INTS7: variants seen among roughly 807,000 people sequenced by gnomAD.
INTS7 encodes integrator complex subunit 7.
Under a neutral mutation model 109.2 loss-of-function variants are expected in INTS7, and 46 were observed. The ratio of observed to expected loss-of-function variants is 0.42; its 90% confidence interval spans 0.33 to 0.54. INTS7 has a LOEUF of 0.54. INTS7 is among the 20% of genes least tolerant of loss of function. INTS7 has a pLI of 0.07. For synonymous variants in INTS7, 412 were observed against 402.9 expected (o/e 1.02, Z -0.27); for missense variants, 929 against 1,132.4 (o/e 0.82, Z 2.58).
intron 17 of INTS7, among the ~76,000 whole-genome samples, chr1:211,947,601 A>C (rs891144894): frequency 2.0e-5 from 3 of 152,166 alleles, no homozygotes; most frequent in Non-Finnish European, 4.4e-5. Flanking sequence ...GACCCGATTC[A>C]GCAACGGATA....
At chr1:212,019,507 G>T (rs971714388) in intron 3 of INTS7, among the ~76,000 whole-genome samples, 10 of 152,006 alleles carry the variant, frequency 6.6e-5, no homozygotes, top group Admixed American at 6.6e-5. Context: ...GGTCAGAAAT[G>T]AACACTATAA....
At chr1:211,971,910 A>G (rs532572577) in intron 13 of INTS7, among the ~76,000 whole-genome samples, 169 of 116,716 alleles carry the variant, frequency 1.4e-3, no homozygotes, top group African/African-American at 5.2e-3. Flanking sequence ...AGTGAAACTC[A>G]GTCTCAAAAA....
At position 211,956,650 on chromosome 1, in the gene INTS7, T is replaced by C. The variant is rs368622016; in HGVS notation, c.2184-3949A>G. On this transcript the variant is annotated intron_variant, in intron 16 of 19. Transcript: ENST00000366994. ...GCTCAGACTAGTTTTATCAATTTTA[T>C]TAATCTTTTCAAAGAACCAGCTTCT... 6.6e-5 allele frequency among the ~76,000 whole-genome samples: 10 copies of C among 152,222 alleles called. No homozygotes were observed. The East Asian group carries it at 9.6e-4, about 15-fold the overall frequency.
chr1:211,966,226 T>C (rs1280541217), intron 16 of INTS7: 3 of 380,276 alleles, frequency 7.9e-6, no homozygotes, highest in Non-Finnish European at 1.4e-5. Flanking sequence ...CAGTTATCTT[T>C]CCATGTTAAC....
Position 211,956,762 on chromosome 1 carries a change from C to T in INTS7, c.2184-4061G>A, listed in dbSNP as rs1289030182. On this transcript the variant is annotated intron_variant, in intron 16 of 19. Coordinates refer to ENST00000366994, the MANE Select transcript of INTS7 (RefSeq NM_015434.4). The stretch of plus-strand genomic sequence containing the variant: ...TCTGTATGACCTGCTGAATGATCAA[C>T]AGGTCATTCATCTTTATTACTTAGT... Among the ~76,000 whole-genome samples, 5 of 152,136 alleles carry T rather than the reference C, an allele frequency of 3.3e-5. No individual in the cohort carries two copies. In the East Asian group the frequency reaches 9.6e-4, roughly 29 times the overall value.
At position 211,981,236 on chromosome 1, in the gene INTS7, A is replaced by G. The variant is rs747419353; in HGVS notation, c.1133-46T>C. 7.0e-6 allele frequency: 8 copies of G among 1,138,248 alleles called. No homozygotes were observed. In the South Asian group the frequency reaches 8.7e-5, roughly 12 times the overall value. The allele number at this position is 1,138,248 out of a possible 1,614,324, so 70.5% of individuals were successfully genotyped here. On this transcript the variant is annotated intron_variant, in intron 9 of 19. Coordinates refer to ENST00000366994, the MANE Select transcript of INTS7 (RefSeq NM_015434.4). ...TTTATGATGGTCAAGTGATGTGTGT[A>G]CAAACACACACACATATACATGCAT...
Position 211,959,480 on chromosome 1 carries a change from C to T in INTS7, c.2184-6779G>A, listed in dbSNP as rs1244943246. Among the ~76,000 whole-genome samples, 1 of 152,144 alleles carries T rather than the reference C, an allele frequency of 6.6e-6. No individual in the cohort carries two copies. Among genetic ancestry groups the T allele is most frequent in the Non-Finnish European group, 1.5e-5 (1 of 68,016 alleles). ...CAGCGGCCCAGCATGTGGACATGGG[C>T]CGGCTCACCTGCTCCCTCCCCGTAC... On this transcript the variant is annotated intron_variant, in intron 16 of 19. Coordinates refer to ENST00000366994, the MANE Select transcript of INTS7 (RefSeq NM_015434.4). The surrounding 1 kb of genome is among the most constrained non-coding windows in gnomAD (Gnocchi z 4.2).
chr1:211,994,092 A>AAGAAGGAAAGACAAAAGGAG (rs888974301), intron 7 of INTS7, among the ~76,000 whole-genome samples: 18 of 152,302 alleles, frequency 1.2e-4, no homozygotes, highest in African/African-American at 3.9e-4. Context: ...AAAGTAACAA[A>AAGAAGGAAAGACAAAAGGAG]AGAAGGAAAG....
At chr1:211,978,160 CT>C in intron 11 of INTS7, 111 bp downstream of exon 11, 1 of 1,242,902 alleles carries the variant, frequency 8.0e-7, no homozygotes, top group Non-Finnish European at 1.2e-6. Context: ...TGAATTTAAC[CT>C]ATTGTTTGTT....
intron 17 of INTS7, among the ~76,000 whole-genome samples, chr1:211,947,634 A>C (rs1662900271): frequency 2.0e-5 from 3 of 152,122 alleles, no homozygotes. Flanking sequence ...TGACACACAG[A>C]TATTCTGCTC....
At chr1:211,953,013 G>A (rs1269339366) in intron 16 of INTS7, among the ~76,000 whole-genome samples, 1 of 152,080 alleles carries the variant, frequency 6.6e-6, no homozygotes, top group African/African-American at 2.4e-5. Context: ...CTGAAAAGGG[G>A]ACTATCAATA....
intron 8 of INTS7, among the ~76,000 whole-genome samples, chr1:211,986,452 A>G (rs1451524039): frequency 6.6e-6 from 1 of 152,190 alleles, no homozygotes; most frequent in East Asian, 1.9e-4. Flanking sequence ...GAATCACTGG[A>G]AAGCCTGCAA....
intron 9 of INTS7, 136 bp from the exon 10 acceptor site, chr1:211,981,326 T>C (rs1204499063): frequency 9.9e-6 from 5 of 504,678 alleles, no homozygotes; most frequent in Non-Finnish European, 1.8e-5. Flanking sequence ...TGGATGAACC[T>C]AACCTTCCTT....
chr1:211,959,144 C>A lies in INTS7; in HGVS notation c.2184-6443G>T, dbSNP rs1045870478. Among the ~76,000 whole-genome samples the A allele has an allele frequency of 6.6e-6, 1 of 152,158 alleles. No individual in the cohort carries two copies. Among genetic ancestry groups the A allele is most frequent in the African/African-American group, 2.4e-5 (1 of 41,428 alleles). On this transcript the variant is annotated intron_variant, in intron 16 of 19. Coordinates refer to ENST00000366994, the MANE Select transcript of INTS7 (RefSeq NM_015434.4). This position sits in a 1 kb window ranked among gnomAD's most constrained non-coding sequence, Gnocchi z 4.2. ...GGCTGCTTAGAGAAGTGTTAGGGGCCGTATTCTAGCCAATGCAGAGCCCAA... is the reference window on the plus strand; with the variant it reads ...GGCTGCTTAGAGAAGTGTTAGGGGCAGTATTCTAGCCAATGCAGAGCCCAA...
intron 16 of INTS7, among the ~76,000 whole-genome samples, chr1:211,965,600 T>C (rs201755900): frequency 1.3e-5 from 2 of 151,996 alleles, no homozygotes; most frequent in East Asian, 1.9e-4. Flanking sequence ...ATATGCATCA[T>C]GAAATACTAC....
chr1:211,953,649 T>C (rs1663220436), intron 16 of INTS7, among the ~76,000 whole-genome samples: 1 of 149,366 alleles, frequency 6.7e-6, no homozygotes, highest in Non-Finnish European at 1.5e-5. Context: ...GAACATGCGG[T>C]GTTTGGTTTT....
At chr1:212,004,638 T>C (rs1665823403) in intron 7 of INTS7, among the ~76,000 whole-genome samples, 2 of 152,290 alleles carry the variant, frequency 1.3e-5, no homozygotes, top group South Asian at 2.1e-4. Flanking sequence ...AATCAAACTG[T>C]TAAATTTGAC....
At chr1:211,989,494 T>C (rs182121636) in intron 7 of INTS7, among the ~76,000 whole-genome samples, 1 of 152,096 alleles carries the variant, frequency 6.6e-6, no homozygotes, top group East Asian at 1.9e-4. Context: ...ATTCACATCA[T>C]ATAACATCAA....
chr1:211,982,401 T>C (rs1354325352), intron 9 of INTS7, among the ~76,000 whole-genome samples: 3 of 152,124 alleles, frequency 2.0e-5, no homozygotes, highest in Non-Finnish European at 2.9e-5. Flanking sequence ...TTATCCACCA[T>C]ATATGCACCA....
Sources: allele counts gnomAD v4.1 joint callset (sites outside exome capture counted in the v4.1 genomes callset), GRCh38; gene constraint gnomAD v4.1.1; non-coding constraint Gnocchi (gnomAD v3.1); transcripts MANE v1.5; gene names NCBI Gene and HGNC (gene_info 2026-07-23, HGNC 2026-07-21).